Variants in REDIC1 observed in about 807,000 individuals in gnomAD.
REDIC1 encodes regulator of DNA class I crossover intermediates 1.
chr12:39,834,500 T>C, the REDIC1 span, among the ~76,000 whole-genome samples: 2 of 152,058 alleles, frequency 1.3e-5, no homozygotes, highest in Non-Finnish European at 2.9e-5. Flanking sequence ...TCCCAAAACA[T>C]ACTCCATAGT....
chr12:39,650,313 T>A, the REDIC1 span: 1 of 1,611,860 alleles, frequency 6.2e-7, no homozygotes, highest in Middle Eastern at 1.7e-4. The surrounding 1 kb of genome is among the most constrained non-coding windows in gnomAD (Gnocchi z 4.3). Context: ...GTCCATCACA[T>A]AAAACTACAC....
the REDIC1 span, among the ~76,000 whole-genome samples, chr12:39,714,085 A>G: frequency 4.9e-4 from 4 of 8,234 alleles, no homozygotes; most frequent in Non-Finnish European, 2.3e-3. Context: ...GTATATACAC[A>G]TATATGTACA....
At chr12:39,785,935 A>G in the REDIC1 span, among the ~76,000 whole-genome samples, 1 of 152,156 alleles carries the variant, frequency 6.6e-6, no homozygotes, top group Admixed American at 6.5e-5. Flanking sequence ...TCCTCATTGT[A>G]TTTAGGAAGT....
At chr12:39,711,863 ATACACG>A in the REDIC1 span, among the ~76,000 whole-genome samples, 18 of 57,142 alleles carry the variant, frequency 3.2e-4, no homozygotes, top group East Asian at 7.7e-3. Flanking sequence ...GTGTATGTGT[ATACACG>A]TATACACATG....
the REDIC1 span, among the ~76,000 whole-genome samples, chr12:39,891,207 A>G: frequency 6.7e-6 from 1 of 149,920 alleles, no homozygotes; most frequent in African/African-American, 2.5e-5. Flanking sequence ...CAGTCTCTCC[A>G]TCATTATTTC....
chr12:39,907,078 G>A, the REDIC1 span, among the ~76,000 whole-genome samples: 3 of 152,026 alleles, frequency 2.0e-5, no homozygotes, highest in East Asian at 1.9e-4. Context: ...AAGTTTGACT[G>A]TATTTACATG....
the REDIC1 span, among the ~76,000 whole-genome samples, chr12:39,891,653 G>C: frequency 6.6e-6 from 1 of 152,060 alleles, no homozygotes; most frequent in East Asian, 1.9e-4. Flanking sequence ...AATCCTTAAG[G>C]TATGTATTAC....
At chr12:39,752,048 TA>T in the REDIC1 span, among the ~76,000 whole-genome samples, 1 of 151,940 alleles carries the variant, frequency 6.6e-6, no homozygotes, top group Admixed American at 6.6e-5. Context: ...ACTTAAAGTA[TA>T]AAAAAAAGAA....
At chr12:39,905,751 C>T in the REDIC1 span, among the ~76,000 whole-genome samples, 2 of 148,074 alleles carry the variant, frequency 1.4e-5, no homozygotes, top group Admixed American at 1.3e-4. Flanking sequence ...ATCTTTTTAA[C>T]CTAAAGAAAA....
chr12:39,837,877 T>C, the REDIC1 span, among the ~76,000 whole-genome samples: 1 of 151,134 alleles, frequency 6.6e-6, no homozygotes, highest in East Asian at 2.0e-4. Context: ...ATAGAAACAC[T>C]TTTACACTGT....
the REDIC1 span, among the ~76,000 whole-genome samples, chr12:39,885,606 G>A: frequency 3.9e-5 from 6 of 152,062 alleles, no homozygotes; most frequent in East Asian, 5.8e-4. Flanking sequence ...TATTACCACC[G>A]AAGCACCCAG....
the REDIC1 span, among the ~76,000 whole-genome samples, chr12:39,715,447 A>G: frequency 6.6e-6 from 1 of 151,646 alleles, no homozygotes; most frequent in Non-Finnish European, 1.5e-5. Context: ...AGTACCATGC[A>G]CATCCCATGC....
chr12:39,640,831 G>GA, the REDIC1 span: 4 of 569,272 alleles, frequency 7.0e-6, no homozygotes, highest in Admixed American at 3.7e-5. Context: ...TTTCTTTTCA[G>GA]AAAAAATGCA....
At chr12:39,820,335 T>C in the REDIC1 span, among the ~76,000 whole-genome samples, 1 of 152,206 alleles carries the variant, frequency 6.6e-6, no homozygotes, top group Admixed American at 6.5e-5. Flanking sequence ...TTTTGTGTTA[T>C]CACAGTTTTC....
At chr12:39,731,274 TC>T in the REDIC1 span, among the ~76,000 whole-genome samples, 13 of 152,350 alleles carry the variant, frequency 8.5e-5, 1 homozygote, top group Non-Finnish European at 1.6e-4. Flanking sequence ...TGCTGGTTTT[TC>T]CTCATCTTTG....
chr12:39,664,064 T>A, the REDIC1 span, among the ~76,000 whole-genome samples: 1 of 151,944 alleles, frequency 6.6e-6, no homozygotes, highest in African/African-American at 2.4e-5. Context: ...GTTTTTAGAA[T>A]TATTTGTCTT....
chr12:39,867,673 C>A, the REDIC1 span, among the ~76,000 whole-genome samples: 350 of 152,158 alleles, frequency 2.3e-3, 4 homozygotes, highest in African/African-American at 7.4e-3. Flanking sequence ...TCTTCTTAAG[C>A]CAAATTTATT....
At chr12:39,654,613 A>G in the REDIC1 span, among the ~76,000 whole-genome samples, 1 of 151,788 alleles carries the variant, frequency 6.6e-6, no homozygotes, top group Admixed American at 6.6e-5. Context: ...TGCTTGGTGT[A>G]TAATCCTCTC....
At chr12:39,752,687 C>A in the REDIC1 span, among the ~76,000 whole-genome samples, 1 of 152,026 alleles carries the variant, frequency 6.6e-6, no homozygotes. Context: ...ACTGGATAAA[C>A]AAAGAATAGG....
Sources: allele counts gnomAD v4.1 joint callset (sites outside exome capture counted in the v4.1 genomes callset), GRCh38; gene constraint gnomAD v4.1.1; non-coding constraint Gnocchi (gnomAD v3.1); transcripts MANE v1.5; gene names NCBI Gene and HGNC (gene_info 2026-07-23, HGNC 2026-07-21).